Variants in CDC42SE2 observed in about 807,000 individuals in gnomAD.
CDC42SE2 encodes CDC42 small effector protein 2.
CDC42SE2 carries 3 observed loss-of-function variants against 11.5 expected under a neutral mutation model. That is an observed-to-expected ratio of 0.26 (90% CI 0.12 to 0.67). The LOEUF is 0.67. CDC42SE2 is among the 30% of genes least tolerant of loss of function. The probability of loss-of-function intolerance (pLI) is 0.80; values close to 1 mark genes in which losing one functional copy is unlikely to be tolerated. For synonymous variants in CDC42SE2, 33 were observed against 34.8 expected, an observed-to-expected ratio of 0.95 and a Z score of 0.18; for missense variants, 82 against 106.8, an observed-to-expected ratio of 0.77 and a Z score of 1.02.
intron 3 of CDC42SE2, among the ~76,000 whole-genome samples, chr5:131,379,803 A>C (rs968486974): frequency 2.0e-5 from 3 of 152,232 alleles, no homozygotes; most frequent in Admixed American, 1.3e-4. Context: ...TCCAGGAAAC[A>C]CGGTGACTCT....
chr5:131,246,163 T>TA (rs1350044222), intron 1 of CDC42SE2, among the ~76,000 whole-genome samples: 1 of 152,124 alleles, frequency 6.6e-6, no homozygotes, highest in East Asian at 1.9e-4. Context: ...GTCAGGGCTA[T>TA]AAAAAAATCA....
At chr5:131,288,878 C>G (rs1580733199) in intron 1 of CDC42SE2, among the ~76,000 whole-genome samples, 1 of 152,140 alleles carries the variant, frequency 6.6e-6, no homozygotes, top group African/African-American at 2.4e-5. Context: ...TTTTCAGGCA[C>G]TGAAATTTAA....
intron 1 of CDC42SE2, among the ~76,000 whole-genome samples, chr5:131,312,035 T>G (rs1757929916): frequency 6.6e-6 from 1 of 152,226 alleles, no homozygotes; most frequent in Non-Finnish European, 1.5e-5. Context: ...TTTTAGAGTT[T>G]CCAGTTTTTC....
the CDC42SE2 span, among the ~76,000 whole-genome samples, chr5:131,226,938 C>T: frequency 6.6e-6 from 1 of 152,142 alleles, no homozygotes; most frequent in Admixed American, 6.5e-5. Flanking sequence ...CTAACTCATA[C>T]AATTACTAAG....
At chr5:131,287,180 AG>A (rs1757358519) in intron 1 of CDC42SE2, among the ~76,000 whole-genome samples, 1 of 151,388 alleles carries the variant, frequency 6.6e-6, no homozygotes, top group African/African-American at 2.4e-5. Context: ...TTTTTAGTAG[AG>A]ACTGGGTTTC....
chr5:131,342,475 C>T (rs1426091703), intron 2 of CDC42SE2, among the ~76,000 whole-genome samples: 11 of 146,522 alleles, frequency 7.5e-5, no homozygotes, highest in East Asian at 6.1e-4. Context: ...CTGCAACCTC[C>T]GCCTCTCAGG....
chr5:131,302,385 G>A (rs1404523239), intron 1 of CDC42SE2, among the ~76,000 whole-genome samples: 1 of 152,180 alleles, frequency 6.6e-6, no homozygotes, highest in African/African-American at 2.4e-5. Context: ...CTCCATGTTG[G>A]TGAGGCTGGT....
At chr5:131,254,691 AG>A (rs1433287667) in intron 1 of CDC42SE2, among the ~76,000 whole-genome samples, 1 of 8,618 alleles carries the variant, frequency 1.2e-4, no homozygotes, top group Non-Finnish European at 1.6e-4. Context: ...TAACTTAGAA[AG>A]AAAAAAGCTT....
chr5:131,363,033 A>T (rs778332802), intron 3 of CDC42SE2, among the ~76,000 whole-genome samples: 1 of 151,434 alleles, frequency 6.6e-6, no homozygotes, highest in Non-Finnish European at 1.5e-5. Context: ...AGTCCTAGCT[A>T]CTCCGGAGGC....
the CDC42SE2 span, among the ~76,000 whole-genome samples, chr5:131,238,158 A>G: frequency 0.13 from 19,460 of 151,128 alleles, 2,973 homozygotes; most frequent in African/African-American, 0.37. Flanking sequence ...GGGCAAGGGG[A>G]GGGAGAGCAC....
chr5:131,264,529 G>T (rs1561564638), intron 1 of CDC42SE2, among the ~76,000 whole-genome samples: 2 of 151,930 alleles, frequency 1.3e-5, no homozygotes. Context: ...TCTGGAAGTC[G>T]GGAGGGTGGT....
chr5:131,279,752 C>T (rs6879005), intron 1 of CDC42SE2, among the ~76,000 whole-genome samples: 116,689 of 151,866 alleles, frequency 0.77, 45,212 homozygotes, highest in African/African-American at 0.82. Context: ...CATTTTCTGA[C>T]TGGAGAAAAA....
chr5:131,251,593 G>A (rs1188315336), intron 1 of CDC42SE2, among the ~76,000 whole-genome samples: 1 of 152,144 alleles, frequency 6.6e-6, no homozygotes, highest in East Asian at 1.9e-4. Context: ...AAAATTGTCT[G>A]GAAAACAGTA....
In CDC42SE2 at chr5:131,359,378, A is replaced by C. The variant is rs1254157423; in HGVS notation, c.-116A>C. ...TCCAGGAACAAAAACACGGTGAAAT[A>C]ATAAAATTTCATCTTGGCATCACTG... On this transcript the variant is annotated 5_prime_UTR_variant, in exon 3 of 5. Transcript: ENST00000505065. The C allele has an allele frequency of 9.9e-6, 8 of 805,410 alleles. No individual in the cohort carries two copies. In the Admixed American group the frequency reaches 1.5e-4, roughly 15 times the overall value. The allele number at this position is 805,410 out of a possible 1,614,324, so 49.9% of individuals were successfully genotyped here. A position where few individuals can be genotyped will look rare whatever the true frequency, so the allele number is the denominator to read the frequency against.
intron 2 of CDC42SE2, among the ~76,000 whole-genome samples, chr5:131,339,050 A>G (rs1250286163): frequency 2.0e-5 from 3 of 151,954 alleles, no homozygotes; most frequent in Non-Finnish European, 2.9e-5. Flanking sequence ...GATCGAGACC[A>G]TACTGGCCAA....
At chr5:131,252,343 A>G (rs1435524899) in intron 1 of CDC42SE2, among the ~76,000 whole-genome samples, 1 of 152,192 alleles carries the variant, frequency 6.6e-6, no homozygotes, top group Non-Finnish European at 1.5e-5. Context: ...GCTCATTATC[A>G]TATTCTAAAT....
At chr5:131,311,771 T>C (rs189889251) in intron 1 of CDC42SE2, among the ~76,000 whole-genome samples, 2 of 152,208 alleles carry the variant, frequency 1.3e-5, no homozygotes, top group Non-Finnish European at 2.9e-5. Flanking sequence ...CCGTAGTTCT[T>C]GAGCTTTGGT....
At chr5:131,226,868 C>T in the CDC42SE2 span, among the ~76,000 whole-genome samples, 1 of 152,186 alleles carries the variant, frequency 6.6e-6, no homozygotes. Flanking sequence ...ATGAAAGCTA[C>T]CACAACTGCC....
chr5:131,226,173 T>C, the CDC42SE2 span, among the ~76,000 whole-genome samples: 2 of 152,350 alleles, frequency 1.3e-5, no homozygotes, highest in South Asian at 4.1e-4. Flanking sequence ...CCAGAAACGA[T>C]TGTCTTGCAG....
Sources: gnomAD v4.1 joint callset for allele counts (sites outside exome capture counted in the v4.1 genomes callset) on GRCh38, gnomAD v4.1.1 for gene constraint, MANE v1.5 for transcripts, NCBI Gene and HGNC (gene_info 2026-07-23, HGNC 2026-07-21) for gene names.